Variants in ARL16 observed in about 807,000 individuals in gnomAD.
ARL16 encodes ARF like GTPase 16.
ARL16 carries 21 observed loss-of-function variants against 14.1 expected under a neutral mutation model. The ratio of observed to expected loss-of-function variants is 1.48; its 90% CI spans 1.05 to 2.14. The LOEUF (loss-of-function observed/expected upper bound fraction) is 2.14. Ranked by LOEUF, ARL16 falls within the 30% of genes most tolerant of loss-of-function variation. The probability of loss-of-function intolerance (pLI) is 0.00; values close to 1 mark genes in which losing one functional copy is unlikely to be tolerated. For synonymous variants in ARL16, 122 were observed against 91.8 expected (o/e 1.33, Z -1.88); for missense variants, 248 against 222.0 (o/e 1.12, Z -0.74).
chr17:81,681,983 C>T (rs2036854377), intron 4 of ARL16, 51 bp downstream of exon 4: 3 of 1,566,832 alleles, frequency 1.9e-6, no homozygotes, highest in Non-Finnish European at 2.6e-6. Context: ...GGCTGTAACC[C>T]GAGGGAGCCC....
Position 81,682,167 on chromosome 17 carries a change from G to T in ARL16, c.235-18C>A. The T allele has an allele frequency of 6.3e-7, 1 of 1,576,468 alleles. No homozygotes were observed. Among genetic ancestry groups the T allele is most frequent in the South Asian group, 1.2e-5 (1 of 86,812 alleles). On this transcript the variant is annotated intron_variant, in intron 3 of 4. Transcript: ENST00000622299. ...ATCACAAACTGGGGAAAAAGAAAAA[G>T]ACAGCAGCAATGCCCCGCTGCCAAA...
chr17:81,682,744 C>T, intron 3 of ARL16: 1 of 497,620 alleles, frequency 2.0e-6, no homozygotes, highest in South Asian at 2.6e-5. Flanking sequence ...CGGGGAGTGA[C>T]ACAGAGGGCC....
chr17:81,681,677 A>T lies in ARL16; in HGVS notation c.*31T>A. 6 of 1,559,490 alleles carry T rather than the reference A, an allele frequency of 3.8e-6. No homozygotes were observed. The highest frequency in any genetic ancestry group is 4.3e-6 in the Non-Finnish European group (5 of 1,153,910). ...ATACTGCCCTCTGCCACCTCTCCCC[A>T]GCTCAGGCCAGCTGCGCCTCTGCCG... is the stretch of plus-strand genomic sequence containing the variant. On this transcript the variant is annotated 3_prime_UTR_variant, in exon 5 of 5. Transcript: ENST00000622299.
chr17:81,682,274 A>C, intron 3 of ARL16, 125 bp from the exon 4 acceptor site: 1 of 697,918 alleles, frequency 1.4e-6, no homozygotes, highest in East Asian at 3.1e-5. Context: ...TTTTGAGACG[A>C]AGTCTCGCTC....
In ARL16 at chr17:81,681,578, G is replaced by A; in HGVS notation, c.*130C>T. On this transcript the variant is annotated 3_prime_UTR_variant, in exon 5 of 5. Coordinates refer to ENST00000622299, the MANE Select transcript of ARL16 (RefSeq NM_001040025.3). The stretch of plus-strand genomic sequence containing the variant: ...TCAGTTTACACATCATTGCATCTCA[G>A]CACAGAGCCCCATCATGTAGGGTTA... 1.8e-6 allele frequency: 2 copies of A among 1,100,916 alleles called. No individual in the cohort carries two copies. The highest frequency in any genetic ancestry group is 1.3e-6 in the Non-Finnish European group (1 of 794,454). 68.2% of individuals were successfully genotyped at this position (1,100,916 alleles called of 1,614,324 possible).
At chr17:81,683,396 G>A in intron 2 of ARL16, 140 bp downstream of exon 2, 1 of 1,185,370 alleles carries the variant, frequency 8.4e-7, no homozygotes, top group Non-Finnish European at 1.1e-6. Flanking sequence ...CTCAGCTCGG[G>A]CCGTCCCCCG....
At chr17:81,681,991 C>G (rs748854715) in intron 4 of ARL16, 43 bp downstream of exon 4, 1 of 1,569,476 alleles carries the variant, frequency 6.4e-7, no homozygotes, top group South Asian at 1.2e-5. Flanking sequence ...CCCGAGGGAG[C>G]CCCCGCCCCC....
At chr17:81,682,633 CAT>C (rs1163537591) in intron 3 of ARL16, 2 of 231,698 alleles carry the variant, frequency 8.6e-6, no homozygotes, top group Admixed American at 5.3e-5. Flanking sequence ...TCTCTGTCCT[CAT>C]GTGGCCATCA....
chr17:81,682,751 G>A (rs2036875040), intron 3 of ARL16: 2 of 516,724 alleles, frequency 3.9e-6, no homozygotes, highest in Middle Eastern at 5.1e-4. Context: ...TGACACAGAG[G>A]GCCAAGTCTG....
Position 81,683,677 on chromosome 17 carries a change from C to T in ARL16, c.61+16G>A, listed in dbSNP as rs1249656753. On this transcript the variant is annotated intron_variant, in intron 1 of 4. Coordinates refer to ENST00000622299, the MANE Select transcript of ARL16 (RefSeq NM_001040025.3). ...TGCCCCCCGCGCCCCGGTCCCGTCC[C>T]CGCGCGGAAGGATATCCTGCAGCCG... 6.3e-7 allele frequency: 1 copy of T among 1,597,506 alleles called. No homozygotes were observed. Among genetic ancestry groups the T allele is most frequent in the Non-Finnish European group, 8.5e-7 (1 of 1,173,962 alleles).
chr17:81,683,657 C>A (rs755376294), intron 1 of ARL16, 36 bp downstream of exon 1: 2 of 1,592,728 alleles, frequency 1.3e-6, no homozygotes, highest in East Asian at 2.3e-5. Context: ...CCGGGTGCCC[C>A]CCGCGCCCCG....
chr17:81,683,386 C>T, intron 2 of ARL16, 150 bp downstream of exon 2: 1 of 1,135,058 alleles, frequency 8.8e-7, no homozygotes, highest in Non-Finnish European at 1.2e-6. Flanking sequence ...GCCAATTATC[C>T]TCAGCTCGGG....
chr17:81,681,966 T>C (rs1187063182), intron 4 of ARL16, 68 bp downstream of exon 4: 7 of 1,563,416 alleles, frequency 4.5e-6, no homozygotes, highest in African/African-American at 2.7e-5. Flanking sequence ...TACCGAGCCA[T>C]GCTTCCGGCT....
In ARL16 at chr17:81,683,023, C is replaced by T. The variant is rs1032793527; in HGVS notation, c.224G>A (p.Arg75His). Residue 75 changes from arginine (R) to histidine (H), a missense_variant, in exon 3 of 5, where the codon CGT becomes CAT. By Grantham distance (29) the Arg-to-His change is conservative (BLOSUM62 0). Coordinates refer to ENST00000622299, the MANE Select transcript of ARL16 (RefSeq NM_001040025.3). Reference sequence around the variant, plus strand: ...AGGATTACAACCCACCAGGAGAGAACGGCAGTTTCCATAGTAACTGGACCA... The same window carrying T: ...AGGATTACAACCCACCAGGAGAGAATGGCAGTTTCCATAGTAACTGGACCA... ...PIWSSYYGNC[R>H]SLLFVMDASD... 2.5e-6 allele frequency: 4 copies of T among 1,613,548 alleles called. 1 individual carries two copies. Among genetic ancestry groups the T allele is most frequent in the East Asian group, 2.2e-5 (1 of 44,886 alleles).
intron 4 of ARL16, 35 bp downstream of exon 4, chr17:81,681,999 C>G (rs768154917): frequency 1.9e-6 from 3 of 1,579,214 alleles, no homozygotes; most frequent in Non-Finnish European, 2.6e-6. Flanking sequence ...AGCCCCCGCC[C>G]CCGCTGTGCT....
Position 81,682,024 on chromosome 17 carries a change from G to C in ARL16, c.350+10C>G. On this transcript the variant is annotated intron_variant, in intron 4 of 4. Coordinates refer to ENST00000622299, the MANE Select transcript of ARL16 (RefSeq NM_001040025.3). ...CCCGCTGTGCTCCCTCTCAGCTCAG[G>C]GACGCGTACATTTTATTGAAGAGTA... The C allele has an allele frequency of 6.2e-7, 1 of 1,601,398 alleles. No individual in the cohort carries two copies. Among genetic ancestry groups the C allele is most frequent in the African/African-American group, 1.3e-5 (1 of 74,632 alleles).
chr17:81,683,578 A>G lies in ARL16; in HGVS notation c.78T>C (p.Asp26=). Residue 26 remains aspartate, a synonymous_variant, in exon 2 of 5, where the codon GAT becomes GAC. Coordinates refer to ENST00000622299, the MANE Select transcript of ARL16 (RefSeq NM_001040025.3). ...VKRLQEVSSR[D]GKGDLGEPPP... ...GCGGCTCCCCCAGGTCGCCTTTCCC[A>G]TCCCGGGAGCTCACCTGTGCGAAGC... 1 of 1,602,928 alleles carries G rather than the reference A, an allele frequency of 6.2e-7. No individual in the cohort carries two copies. Among genetic ancestry groups the G allele is most frequent in the Non-Finnish European group, 8.5e-7 (1 of 1,176,318 alleles).
chr17:81,683,674 T>TCCCCGC lies in ARL16; in HGVS notation c.61+13_61+18dup, dbSNP rs760296765. 1 of 1,595,900 alleles carries TCCCCGC rather than the reference T, an allele frequency of 6.3e-7. No individual in the cohort carries two copies. The highest frequency in any genetic ancestry group is 1.1e-5 in the South Asian group (1 of 89,212). Reference sequence around the variant, plus strand: ...GGGTGCCCCCCGCGCCCCGGTCCCGTCCCCGCGCGGAAGGATATCCTGCAG... The same window carrying TCCCCGC: ...GGGTGCCCCCCGCGCCCCGGTCCCGTCCCCGCCCCCGCGCGGAAGGATATCCTGCAG... On this transcript the variant is annotated intron_variant, in intron 1 of 4. Transcript: ENST00000622299.
Position 81,683,114 on chromosome 17 carries a change from G to A in ARL16, c.133C>T (p.Leu45Phe). 6.2e-7 allele frequency: 1 copy of A among 1,608,676 alleles called. No individual in the cohort carries two copies. ...PPTRPTVGTNLTDIVAQRKIT... is the reference protein window; with the variant it reads ...PPTRPTVGTNFTDIVAQRKIT... The stretch of plus-strand genomic sequence containing the variant: ...TTTCTCTGTGCCACGATGTCAGTAA[G>A]ATTGGTGCCCACCTATAGGAAAAAC... The change falls in exon 3 of 5, where the codon CTT becomes TTT. Residue 45 changes from leucine (L) to phenylalanine (F), a missense_variant. Coordinates refer to ENST00000622299, the MANE Select transcript of ARL16 (RefSeq NM_001040025.3).
Sources: allele counts gnomAD v4.1 joint callset, GRCh38; gene constraint gnomAD v4.1.1; transcripts MANE v1.5; gene names NCBI Gene and HGNC (gene_info 2026-07-23, HGNC 2026-07-21).